FMO2: variants seen among roughly 807,000 people sequenced by gnomAD.
FMO2 encodes the protein flavin-containing monooxygenase 2.
Under a neutral mutation model 41.6 loss-of-function variants are expected in FMO2, and 33 were observed. The ratio of observed to expected loss-of-function variants is 0.79; its 90% CI spans 0.60 to 1.06. The LOEUF (loss-of-function observed/expected upper bound fraction) is 1.06, where lower values mean the gene tolerates loss of function less well. Among genes scored for constraint, FMO2 ranks in the 50% least tolerant of loss-of-function variants. The pLI, the probability that FMO2 is intolerant of heterozygous loss-of-function variation, is 0.00. For missense variants in FMO2, 619 were observed against 632.9 expected (o/e 0.98, Z 0.23); for synonymous variants, 214 against 219.6 (o/e 0.97, Z 0.23).
At position 171,207,800 on chromosome 1, in the gene FMO2, T is replaced by G. The variant is rs976054914; in HGVS notation, c.1256+10T>G. ...AAAAAAGAATTGACCTGTAAGAATT[T>G]TTTTTAATTCTTTACATGAAGCAGT... On this transcript the variant is annotated intron_variant, in intron 8 of 8. Coordinates refer to ENST00000209929, the MANE Select transcript of FMO2 (RefSeq NM_001460.5). The G allele has an allele frequency of 2.1e-5, 33 of 1,537,708 alleles. No individual in the cohort carries two copies. Among genetic ancestry groups the G allele is most frequent in the Non-Finnish European group, 2.8e-5 (31 of 1,112,082 alleles).
intron 3 of FMO2, 23 bp from the exon 4 acceptor site, chr1:171,196,626 T>G: frequency 6.2e-7 from 1 of 1,608,754 alleles, no homozygotes; most frequent in Non-Finnish European, 8.5e-7. Flanking sequence ...TTCTCAATGA[T>G]GCCTTCTCTG....
At chr1:171,190,707 C>T (rs1261873951) in intron 2 of FMO2, among the ~76,000 whole-genome samples, 1 of 151,004 alleles carries the variant, frequency 6.6e-6, no homozygotes, top group Non-Finnish European at 1.5e-5. Flanking sequence ...ATCATCTCTT[C>T]ATAACTAGGA....
At chr1:171,199,225 A>T in intron 4 of FMO2, 121 bp from the exon 5 acceptor site, 1 of 978,332 alleles carries the variant, frequency 1.0e-6, no homozygotes, top group Non-Finnish European at 1.5e-6. Context: ...TTACTCCTAT[A>T]GAGAAGAGGC....
chr1:171,199,153 CCTCCCAAAGG>C, intron 4 of FMO2, 183 bp from the exon 5 acceptor site: 1 of 450,948 alleles, frequency 2.2e-6, no homozygotes. Flanking sequence ...CCTGCCTAGG[CCTCCCAAAGG>C]GCTGGGATTA....
intron 5 of FMO2, among the ~76,000 whole-genome samples, chr1:171,200,307 G>T: frequency 6.6e-6 from 1 of 152,144 alleles, no homozygotes; most frequent in Middle Eastern, 3.2e-3. Context: ...CGATGATGCT[G>T]CTGATAGTGG....
At position 171,212,179 on chromosome 1, in the gene FMO2, T is replaced by C. The variant is rs1355333561; in HGVS notation, c.*3034T>C. Among the ~76,000 whole-genome samples the C allele has an allele frequency of 6.6e-6, 1 of 152,186 alleles. No individual in the cohort carries two copies. Among genetic ancestry groups the C allele is most frequent in the South Asian group, 2.1e-4 (1 of 4,830 alleles). On this transcript the variant is annotated 3_prime_UTR_variant, in exon 9 of 9. Transcript: ENST00000209929. Reference sequence around the variant, plus strand: ...TGGGAGATGGGGCCTAATGAGGTGATTAGGTGAAGTCTCTGCCCTCATGAA... The same window carrying C: ...TGGGAGATGGGGCCTAATGAGGTGACTAGGTGAAGTCTCTGCCCTCATGAA...
At chr1:171,187,121 T>C (rs1296412765) in intron 2 of FMO2, among the ~76,000 whole-genome samples, 3 of 152,366 alleles carry the variant, frequency 2.0e-5, no homozygotes, top group African/African-American at 7.2e-5. Flanking sequence ...AACCACGGCC[T>C]ACGTGACTTC....
Position 171,203,910 on chromosome 1 carries a change from T to C in FMO2, c.673T>C (p.Ser225Pro). Residue 225 changes from serine to proline, a missense_variant, in exon 6 of 9, where the codon TCT (serine) becomes CCT (proline). Coordinates refer to ENST00000209929, the MANE Select transcript of FMO2 (RefSeq NM_001460.5). ...TGGCACCTGGGTCATGAGCCGTATC[T>C]CTGAAGATGGCTATCCTTGGGACTC... The part of the protein sequence containing the change: ...RHGTWVMSRI[S>P]EDGYPWDSVF... The C allele has an allele frequency of 6.2e-7, 1 of 1,613,676 alleles. No individual in the cohort carries two copies. The highest frequency in any genetic ancestry group is 8.5e-7 in the Non-Finnish European group (1 of 1,179,710).
intron 3 of FMO2, 88 bp downstream of exon 3, chr1:171,193,611 T>C (rs1658179040): frequency 1.2e-6 from 1 of 852,406 alleles, no homozygotes; most frequent in African/African-American, 1.7e-5. Context: ...AAAGCAATTA[T>C]GAATGAAGTA....
intron 3 of FMO2, 136 bp from the exon 4 acceptor site, chr1:171,196,513 C>T: frequency 1.6e-6 from 1 of 629,454 alleles, no homozygotes; most frequent in South Asian, 2.5e-5. Flanking sequence ...AGTCCTTATT[C>T]AGTATTCAAC....
chr1:171,192,753 G>A (rs373509421), intron 2 of FMO2, among the ~76,000 whole-genome samples: 39 of 130,260 alleles, frequency 3.0e-4, no homozygotes, highest in African/African-American at 9.3e-4. Flanking sequence ...GTGACAGAGC[G>A]AGACTCTGTC....
chr1:171,205,160 A>T, intron 6 of FMO2, 119 bp from the exon 7 acceptor site: 1 of 589,040 alleles, frequency 1.7e-6, no homozygotes, highest in Non-Finnish European at 3.0e-6. Flanking sequence ...GTTAAGTTAG[A>T]GTTTTACAGA....
In FMO2 at chr1:171,196,786, T is replaced by G. The variant is rs773719247; in HGVS notation, c.459T>G (p.Pro153=). ...VMVCSGHHIL[P]HIPLKSFPGM... is the part of the protein sequence containing the mutation. ...TTTGCAGTGGCCACCACATTCTACC[T>G]CATATCCCACTGAAGTCATTTCCAG... The change falls in exon 4 of 9, where the codon CCT becomes CCG. Residue 153 remains proline (P), a synonymous_variant. Transcript: ENST00000209929. The G allele has an allele frequency of 1.9e-6, 3 of 1,613,412 alleles. No homozygotes were observed. The highest frequency in any genetic ancestry group is 2.2e-5 in the South Asian group (2 of 90,992).
intron 6 of FMO2, among the ~76,000 whole-genome samples, chr1:171,204,799 A>G (rs1658686346): frequency 6.6e-6 from 1 of 152,258 alleles, no homozygotes; most frequent in African/African-American, 2.4e-5. Flanking sequence ...ATTAACAAAT[A>G]TCACCAAACC....
At chr1:171,200,302 A>C (rs1658480868) in intron 5 of FMO2, among the ~76,000 whole-genome samples, 1 of 152,166 alleles carries the variant, frequency 6.6e-6, no homozygotes, top group Non-Finnish European at 1.5e-5. Flanking sequence ...TTACACGATG[A>C]TGCTGCTGAT....
At chr1:171,200,694 G>A (rs1026213329) in intron 5 of FMO2, among the ~76,000 whole-genome samples, 3 of 152,086 alleles carry the variant, frequency 2.0e-5, no homozygotes, top group African/African-American at 2.4e-5. Context: ...CACTAACACC[G>A]GAAAGAGACT....
Position 171,185,833 on chromosome 1 carries a change from G to A in FMO2, c.120G>A (p.Val40=), listed in dbSNP as rs1657823359. 3 of 1,613,792 alleles carry A rather than the reference G, an allele frequency of 1.9e-6. No individual in the cohort carries two copies. Among genetic ancestry groups the A allele is most frequent in the Non-Finnish European group, 2.5e-6 (3 of 1,179,762 alleles). The change falls in exon 2 of 9, where the codon GTG becomes GTA. Residue 40 remains valine, a synonymous_variant. Transcript: ENST00000209929. ...AGAGAACTGAAGATATTGGAGGAGT[G>A]TGGAGGTTCAAAGTAAGTGAGATTT... ...CFERTEDIGG[V]WRFKENVEDG...
At chr1:171,197,349 A>T (rs1658346249) in intron 4 of FMO2, among the ~76,000 whole-genome samples, 1 of 152,206 alleles carries the variant, frequency 6.6e-6, no homozygotes, top group Non-Finnish European at 1.5e-5. Flanking sequence ...TCCAGGCCTC[A>T]TATTAGAATC....
intron 7 of FMO2, 96 bp downstream of exon 7, chr1:171,205,730 G>A: frequency 1.3e-6 from 1 of 783,592 alleles, no homozygotes; most frequent in Non-Finnish European, 1.9e-6. Flanking sequence ...AGGTTGCCAA[G>A]AAAAAGTTTG....
Sources: allele counts gnomAD v4.1 joint callset (sites outside exome capture counted in the v4.1 genomes callset), GRCh38; gene constraint gnomAD v4.1.1; transcripts MANE v1.5; gene names NCBI Gene and HGNC (gene_info 2026-07-23, HGNC 2026-07-21).